Variants in LGR6 observed in about 807,000 individuals in gnomAD.
The protein encoded by LGR6 is leucine rich repeat containing G protein-coupled receptor 6, also known as leucine-rich repeat-containing G protein-coupled receptor 6.
LGR6 carries 45 observed loss-of-function variants against 69.4 expected under a neutral mutation model. That is an observed-to-expected ratio of 0.65 (90% CI 0.51 to 0.83). LGR6 has a LOEUF of 0.83. Among genes scored for constraint, LGR6 ranks in the 40% least tolerant of loss-of-function variants. LGR6 has a pLI of 0.00. For missense variants in LGR6, 1,108 were observed against 1,246.7 expected (o/e 0.89, Z 1.68); for synonymous variants, 538 against 555.0 (o/e 0.97, Z 0.43).
chr1:202,306,599 T>C lies in LGR6; in HGVS notation c.1137-269T>C, dbSNP rs754882983. Reference sequence around the variant, plus strand: ...GGTGTGGGGGCCAGTTTGGCTGGGCTGGGAGCCAGGCCCAGTGGGAACACT... The same window carrying C: ...GGTGTGGGGGCCAGTTTGGCTGGGCCGGGAGCCAGGCCCAGTGGGAACACT... On this transcript the variant is annotated intron_variant, in intron 12 of 17. Coordinates refer to ENST00000367278, the MANE Select transcript of LGR6 (RefSeq NM_001017403.2). Among the ~76,000 whole-genome samples the C allele has an allele frequency of 1.8e-4, 28 of 152,218 alleles. 1 individual carries two copies. Among genetic ancestry groups the C allele is most frequent in the Non-Finnish European group, 3.1e-4 (21 of 68,028 alleles).
intron 4 of LGR6, among the ~76,000 whole-genome samples, chr1:202,258,081 G>A (rs1365331317): frequency 6.6e-6 from 1 of 151,870 alleles, no homozygotes; most frequent in Non-Finnish European, 1.5e-5. Context: ...TATTTTAAGT[G>A]GAATTGTTTT....
chr1:202,231,890 C>G (rs748921694), intron 3 of LGR6, among the ~76,000 whole-genome samples: 1 of 152,084 alleles, frequency 6.6e-6, no homozygotes, highest in African/African-American at 2.4e-5. Flanking sequence ...GTCAGAAGTT[C>G]GAGACCAGTC....
At chr1:202,197,426 A>G (rs1353076430) in intron 1 of LGR6, 1 of 532,882 alleles carries the variant, frequency 1.9e-6, no homozygotes, top group Non-Finnish European at 3.8e-6. Flanking sequence ...TCTTTTTTGC[A>G]ACAGTTTCCT....
chr1:202,196,754 A>G (rs1658655804), intron 1 of LGR6, among the ~76,000 whole-genome samples: 1 of 152,168 alleles, frequency 6.6e-6, no homozygotes, highest in African/African-American at 2.4e-5. Flanking sequence ...GGTGGAGGTA[A>G]ACTACCAGGC....
intron 1 of LGR6, among the ~76,000 whole-genome samples, chr1:202,212,869 C>G (rs920155626): frequency 1.3e-5 from 2 of 152,146 alleles, no homozygotes; most frequent in African/African-American, 4.8e-5. Context: ...TCATTTCCCC[C>G]CTTTGCACAG....
chr1:202,271,308 A>AC (rs1465470967), intron 4 of LGR6, among the ~76,000 whole-genome samples: 2 of 151,624 alleles, frequency 1.3e-5, no homozygotes, highest in Non-Finnish European at 2.9e-5. Flanking sequence ...GGAGCCTAGG[A>AC]CCCCCCTACC....
At chr1:202,263,880 G>T (rs1664430698) in intron 4 of LGR6, among the ~76,000 whole-genome samples, 1 of 152,164 alleles carries the variant, frequency 6.6e-6, no homozygotes, top group Non-Finnish European at 1.5e-5. Context: ...AAATTATGCT[G>T]GTAAGACAGT....
intron 1 of LGR6, 64 bp downstream of exon 1, chr1:202,194,265 C>G (rs1372633538): frequency 3.2e-5 from 39 of 1,214,834 alleles, no homozygotes; most frequent in African/African-American, 4.7e-5. Context: ...CAGTCCCGGC[C>G]TCAGCAGGGC....
chr1:202,260,226 A>T (rs1664116479), intron 4 of LGR6, among the ~76,000 whole-genome samples: 1 of 151,462 alleles, frequency 6.6e-6, no homozygotes. Context: ...TTTAGTAGAG[A>T]TGGGGTTTTG....
chr1:202,199,551 G>C (rs887590613), intron 1 of LGR6, among the ~76,000 whole-genome samples: 41 of 152,242 alleles, frequency 2.7e-4, no homozygotes, highest in Non-Finnish European at 4.9e-4. Flanking sequence ...GCTCAGAGCA[G>C]AGTTGGCCCC....
intron 1 of LGR6, 80 bp from the exon 2 acceptor site, chr1:202,225,343 G>A (rs754269489): frequency 2.2e-5 from 29 of 1,336,216 alleles, no homozygotes; most frequent in East Asian, 1.9e-4. Context: ...GAGGTCCCTC[G>A]AGGGGGGTTG....
At chr1:202,234,600 A>T (rs964593230) in intron 3 of LGR6, among the ~76,000 whole-genome samples, 1 of 152,058 alleles carries the variant, frequency 6.6e-6, no homozygotes, top group Non-Finnish European at 1.5e-5. Flanking sequence ...GTGGACCCAA[A>T]CTCTCTAGGT....
Position 202,194,003 on chromosome 1 carries a change from C to A in LGR6, c.14C>A (p.Pro5Gln). The change falls in exon 1 of 18, where the codon CCG (proline) becomes CAG (glutamine). Residue 5 changes from proline (P) to glutamine (Q), a missense_variant. Coordinates refer to ENST00000367278, the MANE Select transcript of LGR6 (RefSeq NM_001017403.2). ...CCGACCGCCGAGATGCCCAGCCCGC[C>A]GGGGCTCCGGGCGCTATGGCTTTGC... MPSP[P>Q]GLRALWLCAA... The A allele has an allele frequency of 7.3e-7, 1 of 1,377,046 alleles. No homozygotes were observed. Among genetic ancestry groups the A allele is most frequent in the Non-Finnish European group, 9.4e-7 (1 of 1,067,952 alleles). 85.3% of individuals were successfully genotyped at this position (1,377,046 alleles called of 1,614,324 possible). A position where few individuals can be genotyped will look rare whatever the true frequency, so the allele number is the denominator to read the frequency against.
In LGR6 at chr1:202,318,564, T is replaced by C. The variant is rs200023421; in HGVS notation, c.2261T>C (p.Leu754Pro). The C allele has an allele frequency of 3.8e-5, 62 of 1,614,050 alleles. No homozygotes were observed. Among genetic ancestry groups the C allele is most frequent in the African/African-American group, 5.3e-5 (4 of 75,040 alleles). Reference sequence around the variant, plus strand: ...GTCGTGGCCGGTGCCTACATCAAACTGTACTGTGACCTGCCGCGGGGCGAC... The same window carrying C: ...GTCGTGGCCGGTGCCTACATCAAACCGTACTGTGACCTGCCGCGGGGCGAC... ...FLVVAGAYIK[L>P]YCDLPRGDFE... is the part of the protein sequence containing the mutation. The change falls in exon 18 of 18, where the codon CTG becomes CCG. Residue 754 changes from leucine (L) to proline (P), a missense_variant. Coordinates refer to ENST00000367278, the MANE Select transcript of LGR6 (RefSeq NM_001017403.2).
At chr1:202,214,475 G>GGC (rs1659629778) in intron 1 of LGR6, among the ~76,000 whole-genome samples, 1 of 151,760 alleles carries the variant, frequency 6.6e-6, no homozygotes, top group Admixed American at 6.6e-5. Context: ...GGTGGGCAGG[G>GGC]GCGCGCGCGC....
intron 1 of LGR6, chr1:202,196,955 A>C (rs1658662634): frequency 6.1e-5 from 31 of 509,388 alleles, no homozygotes; most frequent in South Asian, 4.6e-4. Context: ...ATCGGGAGGG[A>C]GAGTGGGGAC....
intron 4 of LGR6, among the ~76,000 whole-genome samples, chr1:202,273,182 C>T (rs1665250053): frequency 6.6e-6 from 1 of 152,144 alleles, no homozygotes; most frequent in East Asian, 1.9e-4. Context: ...GGACACGGTA[C>T]CTGGTATTGT....
At chr1:202,240,188 C>T (rs1165875455) in intron 4 of LGR6, among the ~76,000 whole-genome samples, 1 of 152,094 alleles carries the variant, frequency 6.6e-6, no homozygotes, top group African/African-American at 2.4e-5. Flanking sequence ...GCCTGGCAAA[C>T]ATGGCAAAAC....
At chr1:202,244,985 G>A (rs1472069337) in intron 4 of LGR6, among the ~76,000 whole-genome samples, 1 of 152,198 alleles carries the variant, frequency 6.6e-6, no homozygotes. Context: ...GGTCTGGGGT[G>A]CTCTCATCTA....
Sources: allele counts gnomAD v4.1 joint callset (sites outside exome capture counted in the v4.1 genomes callset), GRCh38; gene constraint gnomAD v4.1.1; transcripts MANE v1.5; gene names NCBI Gene and HGNC (gene_info 2026-07-23, HGNC 2026-07-21).